The following DAB1 variants were observed in gnomAD, a reference collection of about 807,000 sequenced individuals.
The protein encoded by DAB1 is disabled homolog 1.
In DAB1, 15 loss-of-function variants were observed where a neutral mutation model predicts 64.6. The observed-to-expected ratio is 0.23, with a 90% CI of 0.16 to 0.36. The LOEUF is 0.36. Ranked by LOEUF, DAB1 falls within the 10% of genes least tolerant of loss-of-function variation. The pLI, the probability that DAB1 is intolerant of heterozygous loss-of-function variation, is 1.00. For missense variants in DAB1, 596 were observed against 706.7 expected, an observed-to-expected ratio of 0.84 and a Z score of 1.78; for synonymous variants, 235 against 251.9, an observed-to-expected ratio of 0.93 and a Z score of 0.64.
intron 1 of DAB1, among the ~76,000 whole-genome samples, chr1:57,295,884 G>A (rs995703299): frequency 6.6e-6 from 1 of 152,050 alleles, no homozygotes; most frequent in African/African-American, 2.4e-5. Context: ...ACTAAAAGCA[G>A]ACTGAAGCAA....
At chr1:57,218,935 G>T (rs1014462195) in intron 2 of DAB1, among the ~76,000 whole-genome samples, 1 of 152,080 alleles carries the variant, frequency 6.6e-6, no homozygotes, top group African/African-American at 2.4e-5. Flanking sequence ...ATCCTGCTCT[G>T]GTCTGGAATT....
intron 7 of DAB1, among the ~76,000 whole-genome samples, chr1:57,632,615 TG>T (rs1646003464): frequency 6.6e-6 from 1 of 151,880 alleles, no homozygotes; most frequent in African/African-American, 2.4e-5. Context: ...GTTGAAACAG[TG>T]GGGAGGAGTA....
intron 3 of DAB1, among the ~76,000 whole-genome samples, chr1:58,372,039 AC>A (rs774876541): frequency 6.6e-6 from 1 of 152,192 alleles, no homozygotes; most frequent in Non-Finnish European, 1.5e-5. Context: ...CCACTGGGGC[AC>A]TGCCTAGTGG....
At chr1:57,457,628 G>A (rs1315317767) in intron 7 of DAB1, among the ~76,000 whole-genome samples, 1 of 152,102 alleles carries the variant, frequency 6.6e-6, no homozygotes, top group Non-Finnish European at 1.5e-5. Flanking sequence ...ATGGACGGAG[G>A]TGAACTTAAA....
chr1:58,435,696 A>G (rs1347799570), intron 3 of DAB1, among the ~76,000 whole-genome samples: 1 of 152,112 alleles, frequency 6.6e-6, no homozygotes, highest in Non-Finnish European at 1.5e-5. Context: ...AAAGAGGAAG[A>G]TAGTCCTTTT....
rs111992693 is a variant in DAB1, at chr1:57,378,138, T to C, written c.-137+45792A>G. On this transcript the variant is annotated intron_variant, in intron 1 of 14. Transcript: ENST00000371236. ...CAGTTTCTCAGAGCTCAGAGCAGGA[T>C]GGAGGCAGGGTCTGGAGGGACAAAC... Among the ~76,000 whole-genome samples, 232 of 152,288 alleles carry C rather than the reference T, an allele frequency of 1.5e-3. 2 individuals are homozygous for C. The highest frequency in any genetic ancestry group is 5.2e-3 in the African/African-American group (216 of 41,558).
intron 7 of DAB1, among the ~76,000 whole-genome samples, chr1:57,488,617 G>C (rs1027072105): frequency 1.4e-5 from 2 of 145,138 alleles, no homozygotes; most frequent in East Asian, 4.2e-4. Context: ...TGGAGGTTGC[G>C]GTGAGCCAAG....
At chr1:57,311,935 T>C (rs1449392390) in intron 1 of DAB1, among the ~76,000 whole-genome samples, 2 of 152,148 alleles carry the variant, frequency 1.3e-5, no homozygotes, top group African/African-American at 4.8e-5. Flanking sequence ...AACGTTATGG[T>C]TTCTTAACCT....
chr1:57,630,926 T>C (rs1017460291), intron 7 of DAB1, among the ~76,000 whole-genome samples: 1 of 152,146 alleles, frequency 6.6e-6, no homozygotes, highest in Non-Finnish European at 1.5e-5. Flanking sequence ...TGAATTGTAA[T>C]AAGCAACCAT....
At chr1:57,441,054 A>G (rs1329700151) in intron 7 of DAB1, among the ~76,000 whole-genome samples, 1 of 152,000 alleles carries the variant, frequency 6.6e-6, no homozygotes, top group Non-Finnish European at 1.5e-5. Flanking sequence ...CACAGTGTCT[A>G]TTGTTCCCAT....
chr1:58,488,712 A>G (rs1336226776), intron 3 of DAB1, among the ~76,000 whole-genome samples: 1 of 152,130 alleles, frequency 6.6e-6, no homozygotes, highest in African/African-American at 2.4e-5. Flanking sequence ...GGCCTCCAAA[A>G]GTGCTGGGAT....
intron 4 of DAB1, among the ~76,000 whole-genome samples, chr1:57,073,117 T>C (rs750672483): frequency 2.6e-4 from 39 of 152,178 alleles, no homozygotes; most frequent in Non-Finnish European, 8.8e-5. Flanking sequence ...ATGCCTTCTG[T>C]CTCCCTGGAG....
At chr1:58,336,257 C>T (rs967789959) in intron 4 of DAB1, among the ~76,000 whole-genome samples, 2 of 152,154 alleles carry the variant, frequency 1.3e-5, no homozygotes, top group Admixed American at 6.5e-5. Flanking sequence ...GGGGTCTAGG[C>T]TTGCATCTTG....
intron 5 of DAB1, among the ~76,000 whole-genome samples, chr1:58,014,417 G>A (rs1240303624): frequency 6.6e-6 from 1 of 152,206 alleles, no homozygotes; most frequent in East Asian, 1.9e-4. Context: ...GGATCTCTGT[G>A]AGTGATTCTA....
chr1:58,036,104 G>A (rs1321443121), intron 5 of DAB1, among the ~76,000 whole-genome samples: 2 of 152,196 alleles, frequency 1.3e-5, no homozygotes, highest in Admixed American at 6.5e-5. Context: ...TCGGGAAACC[G>A]GGGTAGGAAG....
chr1:57,888,308 C>G (rs559912272), upstream of DAB1, among the ~76,000 whole-genome samples: 1 of 152,112 alleles, frequency 6.6e-6, no homozygotes, highest in Non-Finnish European at 1.5e-5. Context: ...ATCCACCATT[C>G]CCTAGGTCCC....
chr1:58,127,563 G>T (rs2100686725), intron 5 of DAB1, among the ~76,000 whole-genome samples: 1 of 152,140 alleles, frequency 6.6e-6, no homozygotes, highest in African/African-American at 2.4e-5. Context: ...GTAATGCCTA[G>T]GTTTTCTTCT....
At chr1:58,179,452 A>C (rs1289311582) in intron 4 of DAB1, among the ~76,000 whole-genome samples, 2 of 152,090 alleles carry the variant, frequency 1.3e-5, no homozygotes, top group Non-Finnish European at 2.9e-5. Flanking sequence ...TCGCCAGTAA[A>C]GCCATCTAGG....
At chr1:57,729,040 C>A (rs1412938201) in intron 6 of DAB1, among the ~76,000 whole-genome samples, 1 of 152,118 alleles carries the variant, frequency 6.6e-6, no homozygotes, top group African/African-American at 2.4e-5. Context: ...AGGTATTTTC[C>A]AGAATTAATG....
Sources: gnomAD v4.1 joint callset for allele counts (sites outside exome capture counted in the v4.1 genomes callset) on GRCh38, gnomAD v4.1.1 for gene constraint, MANE v1.5 for transcripts, NCBI Gene and HGNC (gene_info 2026-07-23, HGNC 2026-07-21) for gene names.